FAM135B: variants seen among roughly 807,000 people sequenced by gnomAD.
The protein encoded by FAM135B is family with sequence similarity 135 member B.
In FAM135B, 43 loss-of-function variants were observed where a neutral mutation model predicts 127.7. That is an observed-to-expected ratio of 0.34 (90% CI 0.26 to 0.43). FAM135B has a LOEUF of 0.43. Ranked by LOEUF, FAM135B falls within the 20% of genes least tolerant of loss-of-function variation. The pLI, the probability that FAM135B is intolerant of heterozygous loss-of-function variation, is 1.00. For synonymous variants in FAM135B, 670 were observed against 665.1 expected (o/e 1.01, Z -0.11); for missense variants, 1,558 against 1,725.6 (o/e 0.90, Z 1.72).
At chr8:138,401,145 G>C (rs1833133021) in intron 1 of FAM135B, among the ~76,000 whole-genome samples, 1 of 152,154 alleles carries the variant, frequency 6.6e-6, no homozygotes, top group South Asian at 2.1e-4. Context: ...CCAAGTTTGG[G>C]ACATGTTAGG....
intron 6 of FAM135B, among the ~76,000 whole-genome samples, chr8:138,244,955 TG>T (rs1432058296): frequency 6.6e-6 from 1 of 152,224 alleles, no homozygotes; most frequent in Non-Finnish European, 1.5e-5. Flanking sequence ...TAACTGATGC[TG>T]TGAAAAACTG....
At chr8:138,249,417 A>G (rs1050986723) in intron 6 of FAM135B, among the ~76,000 whole-genome samples, 1 of 152,322 alleles carries the variant, frequency 6.6e-6, no homozygotes, top group Admixed American at 6.5e-5. Context: ...GGCCCACTTC[A>G]CTGGACTGTG....
At chr8:138,323,319 T>C (rs1397376569) in intron 2 of FAM135B, among the ~76,000 whole-genome samples, 2 of 152,174 alleles carry the variant, frequency 1.3e-5, no homozygotes, top group African/African-American at 2.4e-5. Context: ...GGAATTACTA[T>C]ACCTACCTAA....
chr8:138,195,368 A>C (rs1180436021), intron 8 of FAM135B, 61 bp from the exon 9 acceptor site: 1 of 1,547,774 alleles, frequency 6.5e-7, no homozygotes, highest in African/African-American at 1.4e-5. Flanking sequence ...AGCAGTTGCT[A>C]ATTAAATGAA....
chr8:138,221,883 C>A (rs781570302), intron 7 of FAM135B, among the ~76,000 whole-genome samples: 1 of 152,182 alleles, frequency 6.6e-6, no homozygotes, highest in Admixed American at 6.5e-5. Flanking sequence ...CCACACATAT[C>A]CAGCCCTGAA....
Position 138,152,336 on chromosome 8 carries a change from G to A in FAM135B, c.2139C>T (p.Val713=), listed in dbSNP as rs2130765527. 2.5e-6 allele frequency: 4 copies of A among 1,614,170 alleles called. No individual in the cohort carries two copies. Among genetic ancestry groups the A allele is most frequent in the Non-Finnish European group, 3.4e-6 (4 of 1,180,038 alleles). ...RALELPSDRE[V]LHPFVRRHAL... Reference sequence around the variant, plus strand: ...CATGTCTTCGAACAAACGGGTGCAAGACTTCCCGATCACTGGGCAACTCCA... The same window carrying A: ...CATGTCTTCGAACAAACGGGTGCAAAACTTCCCGATCACTGGGCAACTCCA... The change falls in exon 13 of 20, where the codon GTC becomes GTT. Residue 713 remains valine (V), a synonymous_variant. Transcript: ENST00000395297.
In FAM135B at chr8:138,376,378, T is replaced by G. The variant is rs1005798584; in HGVS notation, c.-19-8376A>C. ...CTAGGAATGCTGATCAGCATCCTCT[T>G]TCCTGAATATTCCCACCTCTTCCAT... On this transcript the variant is annotated intron_variant, in intron 1 of 19. Coordinates refer to ENST00000395297, the MANE Select transcript of FAM135B (RefSeq NM_015912.4). Among the ~76,000 whole-genome samples, 4 of 152,188 alleles carry G rather than the reference T, an allele frequency of 2.6e-5. No individual in the cohort carries two copies. The South Asian group carries it at 8.3e-4, about 32-fold the overall frequency.
chr8:138,325,123 G>A, intron 2 of FAM135B, among the ~76,000 whole-genome samples: 1 of 3,140 alleles, frequency 3.2e-4, no homozygotes, highest in South Asian at 0.024. Flanking sequence ...AACCCCCTTA[G>A]ATTAAAAAAA....
At chr8:138,356,551 G>A (rs1013972399) in intron 2 of FAM135B, among the ~76,000 whole-genome samples, 1 of 152,146 alleles carries the variant, frequency 6.6e-6, no homozygotes, top group Admixed American at 6.6e-5. Flanking sequence ...CCATTGGGTT[G>A]AGACATAAAA....
intron 3 of FAM135B, among the ~76,000 whole-genome samples, chr8:138,283,908 G>A (rs999236355): frequency 7.2e-5 from 11 of 151,970 alleles, no homozygotes; most frequent in Admixed American, 2.0e-4. Flanking sequence ...CCAAGCAGAG[G>A]GAACAGCATG....
intron 6 of FAM135B, among the ~76,000 whole-genome samples, chr8:138,249,631 G>A (rs1356287796): frequency 1.3e-5 from 2 of 152,144 alleles, no homozygotes; most frequent in South Asian, 4.2e-4. Context: ...TCCTGGTCAC[G>A]TGGCATGGGT....
intron 11 of FAM135B, among the ~76,000 whole-genome samples, chr8:138,173,872 G>C (rs909965683): frequency 6.6e-6 from 1 of 152,170 alleles, no homozygotes; most frequent in African/African-American, 2.4e-5. Context: ...CCTCTTTGCT[G>C]TGTGAAAAGC....
chr8:138,154,840 A>G (rs7815656), intron 12 of FAM135B, among the ~76,000 whole-genome samples: 105,438 of 151,976 alleles, frequency 0.69, 36,612 homozygotes, highest in East Asian at 0.77. Context: ...GAAAGTGACG[A>G]GGAGAATGGA....
chr8:138,240,457 T>A (rs996824783), intron 7 of FAM135B, among the ~76,000 whole-genome samples: 1 of 152,234 alleles, frequency 6.6e-6, no homozygotes. Context: ...TACTGGCTCC[T>A]GCCGTGTGAA....
At chr8:138,285,144 T>A (rs1369121362) in intron 3 of FAM135B, among the ~76,000 whole-genome samples, 1 of 120,550 alleles carries the variant, frequency 8.3e-6, no homozygotes, top group South Asian at 3.1e-4. Flanking sequence ...ATTTTTTTTT[T>A]TTTTTTTTTT....
intron 1 of FAM135B, among the ~76,000 whole-genome samples, chr8:138,416,738 T>C (rs1834178926): frequency 6.6e-6 from 1 of 151,922 alleles, no homozygotes. Flanking sequence ...CCCACCAAGA[T>C]ACCAAATCAT....
At chr8:138,208,595 C>T (rs1018649692) in intron 7 of FAM135B, among the ~76,000 whole-genome samples, 1 of 152,192 alleles carries the variant, frequency 6.6e-6, no homozygotes, top group African/African-American at 2.4e-5. Context: ...AAAACATCAG[C>T]AGATGTAGAA....
At chr8:138,180,136 G>A (rs1268802397) in intron 9 of FAM135B, among the ~76,000 whole-genome samples, 4 of 152,150 alleles carry the variant, frequency 2.6e-5, no homozygotes, top group African/African-American at 7.2e-5. Flanking sequence ...GGAGTAACTC[G>A]AATTCTGGAG....
intron 1 of FAM135B, among the ~76,000 whole-genome samples, chr8:138,495,416 T>G (rs912575403): frequency 6.6e-6 from 1 of 152,170 alleles, no homozygotes; most frequent in Non-Finnish European, 1.5e-5. Flanking sequence ...TCATCCATAT[T>G]ATGACATAAA....
Sources: allele counts gnomAD v4.1 joint callset (sites outside exome capture counted in the v4.1 genomes callset), GRCh38; gene constraint gnomAD v4.1.1; transcripts MANE v1.5; gene names NCBI Gene and HGNC (gene_info 2026-07-23, HGNC 2026-07-21).